Variants in USP24 observed in about 807,000 individuals in gnomAD.
The protein encoded by USP24 is ubiquitin specific peptidase 24.
A neutral mutation model predicts 361.6 loss-of-function variants in USP24; 97 were observed. That is an observed-to-expected ratio of 0.27 (90% CI 0.23 to 0.32). The LOEUF (loss-of-function observed/expected upper bound fraction) is 0.32. USP24 is among the 10% of genes least tolerant of loss of function. The pLI, the probability that USP24 is intolerant of heterozygous loss-of-function variation, is 1.00. For missense variants in USP24, 2,353 were observed against 3,165.6 expected, an observed-to-expected ratio of 0.74 and a Z score of 6.16; for synonymous variants, 1,098 against 1,124.6, an observed-to-expected ratio of 0.98 and a Z score of 0.47.
intron 1 of USP24, among the ~76,000 whole-genome samples, chr1:55,178,724 T>TAAAA (rs1245909909): frequency 5.7e-4 from 40 of 69,716 alleles, no homozygotes; most frequent in African/African-American, 2.0e-3. Flanking sequence ...AATAAATAAA[T>TAAAA]AAATAAAAAG....
chr1:55,095,448 C>G, intron 50 of USP24, 52 bp from the exon 51 acceptor site: 1 of 1,517,820 alleles, frequency 6.6e-7, no homozygotes, highest in Non-Finnish European at 8.8e-7. Flanking sequence ...TTTTTCTTGT[C>G]TTGACAATCT....
intron 67 of USP24, chr1:55,071,343 G>A: frequency 1.0e-6 from 1 of 980,096 alleles, no homozygotes; most frequent in African/African-American, 1.8e-5. Flanking sequence ...TATTAAAGCT[G>A]TTTTTTTTTC....
intron 1 of USP24, among the ~76,000 whole-genome samples, chr1:55,214,104 T>A (rs1644918923): frequency 6.6e-6 from 1 of 151,682 alleles, no homozygotes; most frequent in East Asian, 1.9e-4. Context: ...ACCTCTGCCC[T>A]CTCAGTGCAA....
chr1:55,167,071 A>C (rs1244595990), intron 5 of USP24, among the ~76,000 whole-genome samples: 11 of 152,108 alleles, frequency 7.2e-5, no homozygotes, highest in Non-Finnish European at 1.3e-4. Context: ...TGTTCTAGGG[A>C]CTAGATACAG....
Position 55,154,383 on chromosome 1 carries a change from G to C in USP24, c.1638C>G (p.Thr546=), listed in dbSNP as rs1400274643. The part of the protein sequence containing the change: ...GRIGREARFE[T]TSGKVLDVLW... ...TTGATTCTCCTGCCTTTCCAGAAGT[G>C]GTCTCAAAGCGAGCTTCCCGGCCTA... The change falls in exon 14 of 68, where the codon ACC becomes ACG. Residue 546 remains threonine, a synonymous_variant. Coordinates refer to ENST00000294383, the MANE Select transcript of USP24 (RefSeq NM_015306.3). The C allele has an allele frequency of 1.8e-5, 28 of 1,551,684 alleles. No individual in the cohort carries two copies. The highest frequency in any genetic ancestry group is 2.4e-5 in the Non-Finnish European group (28 of 1,146,950).
intron 8 of USP24, among the ~76,000 whole-genome samples, chr1:55,160,409 T>C (rs914677819): frequency 4.6e-5 from 7 of 152,332 alleles, no homozygotes; most frequent in African/African-American, 1.4e-4. Flanking sequence ...AAGAGAGTCA[T>C]AGTGCTCTTT....
At chr1:55,121,329 A>G in intron 37 of USP24, 107 bp downstream of exon 37, 3 of 967,868 alleles carry the variant, frequency 3.1e-6, no homozygotes, top group Admixed American at 2.5e-5. Flanking sequence ...ACTCCCTGAG[A>G]GCACTCAATG....
chr1:55,180,681 G>A (rs1220207095), intron 1 of USP24, among the ~76,000 whole-genome samples: 1 of 151,976 alleles, frequency 6.6e-6, no homozygotes, highest in Non-Finnish European at 1.5e-5. Context: ...ATTCTTTCAG[G>A]GAAGCCTTTC....
In USP24 at chr1:55,073,886, G is replaced by A; in HGVS notation, c.7468C>T (p.His2490Tyr). The A allele has an allele frequency of 6.3e-7, 1 of 1,578,464 alleles. No homozygotes were observed. Among genetic ancestry groups the A allele is most frequent in the South Asian group, 1.2e-5 (1 of 85,678 alleles). ...TGGTAGCAGCGACTACTGTCCACAT[G>A]ATTACTGTGGTGCATCAAAGCTGAG... is the stretch of plus-strand genomic sequence containing the variant. ...GLLALMHHSNHVDSSRCYQCV... is the reference protein window; with the variant it reads ...GLLALMHHSNYVDSSRCYQCV... Residue 2490 changes from histidine (H) to tyrosine (Y), a missense_variant, in exon 64 of 68, where the codon CAT becomes TAT. Coordinates refer to ENST00000294383, the MANE Select transcript of USP24 (RefSeq NM_015306.3).
At chr1:55,211,387 C>T (rs1644843094) in intron 1 of USP24, among the ~76,000 whole-genome samples, 2 of 152,192 alleles carry the variant, frequency 1.3e-5, no homozygotes, top group Non-Finnish European at 2.9e-5. Context: ...TCCAACAATA[C>T]TAGTGAGAAC....
intron 7 of USP24, among the ~76,000 whole-genome samples, chr1:55,164,711 T>C (rs755123408): frequency 6.6e-5 from 10 of 152,042 alleles, no homozygotes; most frequent in Non-Finnish European, 1.0e-4. Context: ...TTTAGCACAT[T>C]TGATAATAAT....
intron 18 of USP24, 83 bp downstream of exon 18, chr1:55,147,566 A>G: frequency 7.2e-7 from 1 of 1,383,402 alleles, no homozygotes; most frequent in Non-Finnish European, 9.4e-7. Context: ...AGTTACAGCT[A>G]ACAAAAATTC....
intron 67 of USP24, chr1:55,071,236 T>C (rs961964330): frequency 3.0e-6 from 3 of 987,872 alleles, no homozygotes; most frequent in South Asian, 4.7e-5. Flanking sequence ...TTACAGACTA[T>C]TGGAAAGACG....
intron 39 of USP24, among the ~76,000 whole-genome samples, chr1:55,108,502 C>A (rs1236596633): frequency 6.6e-6 from 1 of 152,140 alleles, no homozygotes; most frequent in Non-Finnish European, 1.5e-5. Flanking sequence ...CTTATTTATG[C>A]AATGAGACCA....
chr1:55,197,565 A>G (rs1190693462), intron 1 of USP24, among the ~76,000 whole-genome samples: 5 of 152,256 alleles, frequency 3.3e-5, no homozygotes, highest in Admixed American at 2.6e-4. Context: ...AAAGCATGGC[A>G]CATTTAAAGC....
rs370010095 is a variant in USP24, at chr1:55,178,084, T to C, written c.373A>G (p.Thr125Ala). The C allele has an allele frequency of 1.0e-5, 16 of 1,551,454 alleles. No homozygotes were observed. The highest frequency in any genetic ancestry group is 3.6e-5 in the South Asian group (3 of 84,068). ...CTTTCCAGTTCATATAAATTTGTTG[T>C]AGGGAATTCAATTCCTTCCCCTGAG... ...NCSGEGIEFPTTNLYELESRV... is the reference protein window; with the variant it reads ...NCSGEGIEFPATNLYELESRV... Residue 125 changes from threonine to alanine, a missense_variant, in exon 2 of 68, where the codon ACA becomes GCA. Physicochemically the swap from Thr to Ala is moderately conservative, Grantham distance 58. This residue lies in a region of USP24 where 253 missense variants were observed against 255.3 expected (regional missense o/e 0.99). Coordinates refer to ENST00000294383, the MANE Select transcript of USP24 (RefSeq NM_015306.3).
chr1:55,175,512 A>G (rs1451657563), intron 3 of USP24, among the ~76,000 whole-genome samples: 1 of 151,992 alleles, frequency 6.6e-6, no homozygotes, highest in Admixed American at 6.6e-5. Flanking sequence ...AGGCGTGAGC[A>G]ATTGCACCCG....
intron 67 of USP24, among the ~76,000 whole-genome samples, chr1:55,070,696 G>A (rs573963134): frequency 6.9e-6 from 1 of 143,950 alleles, no homozygotes; most frequent in Non-Finnish European, 1.6e-5. Flanking sequence ...AGGGAGAAGA[G>A]AGGCTTTGAC....
chr1:55,123,552 C>A lies in USP24; in HGVS notation c.4171G>T (p.Gly1391Ter). 1 of 1,601,302 alleles carries A rather than the reference C, an allele frequency of 6.2e-7. No homozygotes were observed. Among genetic ancestry groups the A allele is most frequent in the East Asian group, 2.3e-5 (1 of 44,442 alleles). ...ACAGACTGTTGTCGAACACAGATTC[C>A]CGCATGCAGGGCTACTGGTTCTCCT... is the stretch of plus-strand genomic sequence containing the variant. The part of the protein sequence containing the change: ...SEGEPVALHA[G>*]ICVRQQSVST... Residue 1391 changes from glycine (G) to a stop codon, truncating the protein, a stop_gained, in exon 36 of 68, where the codon GGA becomes TGA. Coordinates refer to ENST00000294383, the MANE Select transcript of USP24 (RefSeq NM_015306.3). LOFTEE classifies it high-confidence loss of function.
Sources: gnomAD v4.1 joint callset for allele counts (sites outside exome capture counted in the v4.1 genomes callset) on GRCh38, gnomAD v4.1.1 for gene constraint, gnomAD v4.1.1 regional missense constraint, MANE v1.5 for transcripts, NCBI Gene and HGNC (gene_info 2026-07-23, HGNC 2026-07-21) for gene names.